The following PCDHGA5 variants were observed in gnomAD, a reference collection of about 807,000 sequenced individuals.
The protein encoded by PCDHGA5 is protocadherin gamma-A5.
In PCDHGA5, 36 loss-of-function variants were observed where a neutral mutation model predicts 56.7. That is an observed-to-expected ratio of 0.64 (90% CI 0.49 to 0.84). The LOEUF is 0.84. PCDHGA5 is among the 40% of genes least tolerant of loss of function. The pLI is 0.00. For missense variants in PCDHGA5, 1,305 were observed against 1,201.5 expected (o/e 1.09, Z -1.27); for synonymous variants, 563 against 520.2 (o/e 1.08, Z -1.12).
intron 1 of PCDHGA5, among the ~76,000 whole-genome samples, chr5:141,448,768 G>A (rs544426582): frequency 1.3e-5 from 2 of 151,632 alleles, no homozygotes; most frequent in Non-Finnish European, 2.9e-5. Flanking sequence ...GTGAAACCCC[G>A]TCTGTACTAA....
chr5:141,400,150 C>T (rs1375670164), intron 1 of PCDHGA5: 3 of 1,613,952 alleles, frequency 1.9e-6, no homozygotes, highest in Non-Finnish European at 2.5e-6. Flanking sequence ...CACTGACCGC[C>T]CTGTACCCTC....
At chr5:141,430,902 T>C (rs373775073) in intron 1 of PCDHGA5, 4 of 1,606,232 alleles carry the variant, frequency 2.5e-6, no homozygotes, top group Admixed American at 3.4e-5. Context: ...GTGGGCGACA[T>C]CTCCAGGGAC....
intron 1 of PCDHGA5, chr5:141,427,884 G>T (rs1346875505): frequency 5.1e-6 from 8 of 1,564,634 alleles, no homozygotes; most frequent in African/African-American, 2.7e-5. Flanking sequence ...GCAGGCCCAC[G>T]ACCAGGGCTC....
At chr5:141,400,943 T>G (rs1253479872) in intron 1 of PCDHGA5, among the ~76,000 whole-genome samples, 1 of 152,260 alleles carries the variant, frequency 6.6e-6, no homozygotes, top group East Asian at 1.9e-4. Flanking sequence ...CTTTCTTCAC[T>G]GATTTCACTG....
intron 1 of PCDHGA5, among the ~76,000 whole-genome samples, chr5:141,406,069 C>G (rs72790037): frequency 0.11 from 16,670 of 145,514 alleles, 1,088 homozygotes; most frequent in African/African-American, 0.2. Flanking sequence ...AAAATTCTTA[C>G]TCCTTTTTTT....
At chr5:141,469,964 G>T (rs974494589) in intron 1 of PCDHGA5, among the ~76,000 whole-genome samples, 2 of 152,002 alleles carry the variant, frequency 1.3e-5, no homozygotes, top group Non-Finnish European at 2.9e-5. Flanking sequence ...AACCCCATCT[G>T]TACCAAAAAT....
intron 1 of PCDHGA5, chr5:141,421,183 A>G (rs1286755310): frequency 2.7e-6 from 4 of 1,457,360 alleles, no homozygotes; most frequent in Admixed American, 4.8e-5. Flanking sequence ...CCGATTCACA[A>G]CCAACCAGCT....
At chr5:141,474,997 A>C (rs2154572220) in intron 1 of PCDHGA5, among the ~76,000 whole-genome samples, 1 of 152,376 alleles carries the variant, frequency 6.6e-6, no homozygotes, top group African/African-American at 2.4e-5. Flanking sequence ...ACAATTCTAA[A>C]TGCAGAAAAG....
At position 141,487,444 on chromosome 5, in the gene PCDHGA5, T is replaced by G; in HGVS notation, c.2422-7363T>G. 1 of 1,614,194 alleles carries G rather than the reference T, an allele frequency of 6.2e-7. No individual in the cohort carries two copies. The highest frequency in any genetic ancestry group is 8.5e-7 in the Non-Finnish European group (1 of 1,180,040). ...TCCTCCGAATCCAGCTAGGGTCAGA[T>G]GACCCTATCAAGTTTGTTGATGTGG... On this transcript the variant is annotated intron_variant, in intron 1 of 3. Transcript: ENST00000518069. This position sits in a 1 kb window ranked among gnomAD's most constrained non-coding sequence, Gnocchi z 5.0.
Position 141,490,532 on chromosome 5 carries a change from C to T in PCDHGA5, c.2422-4275C>T. Reference sequence around the variant, plus strand: ...GAGCTGCTGGCCAGCGATGCTGGTTCACCTTCCCTACACAAACATCTCACC... The same window carrying T: ...GAGCTGCTGGCCAGCGATGCTGGTTTACCTTCCCTACACAAACATCTCACC... On this transcript the variant is annotated intron_variant, in intron 1 of 3. Coordinates refer to ENST00000518069, the MANE Select transcript of PCDHGA5 (RefSeq NM_018918.3). This position sits in a 1 kb window ranked among gnomAD's most constrained non-coding sequence, Gnocchi z 5.4. 6.2e-7 allele frequency: 1 copy of T among 1,614,142 alleles called. No homozygotes were observed. Among genetic ancestry groups the T allele is most frequent in the Non-Finnish European group, 8.5e-7 (1 of 1,180,030 alleles).
chr5:141,485,546 G>C lies in PCDHGA5; in HGVS notation c.2422-9261G>C. The C allele has an allele frequency of 6.2e-7, 1 of 1,614,074 alleles. No individual in the cohort carries two copies. ...GTACCGAGCAGAGGTAGAGATCGTA[G>C]ATGTGAATGATCACGCCCCCCGTTT... is the stretch of plus-strand genomic sequence containing the variant. On this transcript the variant is annotated intron_variant, in intron 1 of 3. Coordinates refer to ENST00000518069, the MANE Select transcript of PCDHGA5 (RefSeq NM_018918.3). The surrounding 1 kb of genome is among the most constrained non-coding windows in gnomAD (Gnocchi z 5.7).
intron 1 of PCDHGA5, among the ~76,000 whole-genome samples, chr5:141,447,233 G>A (rs565398752): frequency 2.6e-5 from 4 of 152,028 alleles, no homozygotes; most frequent in Non-Finnish European, 4.4e-5. Flanking sequence ...TCCGCCTCCC[G>A]GGTTCAAGTG....
At chr5:141,471,942 A>G (rs1163887457) in intron 1 of PCDHGA5, among the ~76,000 whole-genome samples, 1 of 152,192 alleles carries the variant, frequency 6.6e-6, no homozygotes, top group Non-Finnish European at 1.5e-5. Flanking sequence ...AGAGTTTTCT[A>G]AAACTGGATT....
At chr5:141,399,183 T>A (rs777520935) in intron 1 of PCDHGA5, 4 of 1,613,764 alleles carry the variant, frequency 2.5e-6, no homozygotes, top group Non-Finnish European at 3.4e-6. Context: ...TTGAAATGAT[T>A]CTGGAAAACG....
intron 1 of PCDHGA5, among the ~76,000 whole-genome samples, chr5:141,494,338 ACAG>A (rs2099753688): frequency 6.6e-6 from 1 of 152,224 alleles, no homozygotes; most frequent in African/African-American, 2.4e-5. Flanking sequence ...GTTACCAAGA[ACAG>A]CAGCCATCTT....
chr5:141,450,678 G>C (rs1038323301), intron 1 of PCDHGA5, among the ~76,000 whole-genome samples: 1 of 151,854 alleles, frequency 6.6e-6, no homozygotes, highest in Non-Finnish European at 1.5e-5. Context: ...GTAGAAACGG[G>C]GTTTTGCCAT....
At chr5:141,483,179 G>C (rs2099577971) in intron 1 of PCDHGA5, among the ~76,000 whole-genome samples, 2 of 152,294 alleles carry the variant, frequency 1.3e-5, no homozygotes, top group African/African-American at 4.8e-5. Flanking sequence ...TTTGGGCCAA[G>C]CCAAGGAGTT....
At chr5:141,413,922 A>G (rs769177990) in intron 1 of PCDHGA5, 2 of 1,613,458 alleles carry the variant, frequency 1.2e-6, no homozygotes, top group Non-Finnish European at 1.7e-6. Context: ...TCACCTTGCC[A>G]GAATACCGAG....
intron 3 of PCDHGA5, 85 bp from the exon 4 acceptor site, chr5:141,510,862 C>A: frequency 6.2e-7 from 1 of 1,606,772 alleles, no homozygotes. Context: ...GCTGTATAGG[C>A]ATTCATTAAC....
Sources: gnomAD v4.1 joint callset for allele counts (sites outside exome capture counted in the v4.1 genomes callset) on GRCh38, gnomAD v4.1.1 for gene constraint, Gnocchi (gnomAD v3.1) non-coding constraint, MANE v1.5 for transcripts, NCBI Gene and HGNC (gene_info 2026-07-23, HGNC 2026-07-21) for gene names.